The following MFHAS1 variants were observed in gnomAD, a reference collection of about 807,000 sequenced individuals.
MFHAS1 encodes the protein multifunctional ROCO family signaling regulator 1, also known as malignant fibrous histiocytoma-amplified sequence 1.
Under a neutral mutation model 70.4 loss-of-function variants are expected in MFHAS1, and 50 were observed. That is an observed-to-expected ratio of 0.71 (90% CI 0.57 to 0.90). The LOEUF (loss-of-function observed/expected upper bound fraction) is 0.90. Among genes scored for constraint, MFHAS1 ranks in the 40% least tolerant of loss-of-function variants. The pLI, the probability that MFHAS1 is intolerant of heterozygous loss-of-function variation, is 0.00. For missense variants in MFHAS1, 1,795 were observed against 1,347.6 expected (o/e 1.33, Z -5.20); for synonymous variants, 952 against 620.0 (o/e 1.54, Z -7.96).
intron 1 of MFHAS1, among the ~76,000 whole-genome samples, chr8:8,871,597 T>G (rs1358027497): frequency 1.3e-5 from 2 of 152,120 alleles, no homozygotes; most frequent in African/African-American, 4.8e-5. Context: ...TTCATTCATT[T>G]CCCCCTCACA....
intron 1 of MFHAS1, among the ~76,000 whole-genome samples, chr8:8,800,999 A>G (rs1806066088): frequency 6.6e-6 from 1 of 152,094 alleles, no homozygotes; most frequent in Non-Finnish European, 1.5e-5. Context: ...GCGGATCACA[A>G]GGTCCGGACA....
At chr8:8,788,244 A>C (rs1445874666) in intron 2 of MFHAS1, among the ~76,000 whole-genome samples, 1 of 152,266 alleles carries the variant, frequency 6.6e-6, no homozygotes, top group Non-Finnish European at 1.5e-5. Context: ...ATGTATCCTC[A>C]ACACCCGGCC....
At chr8:8,797,204 G>T (rs1805934846) in intron 2 of MFHAS1, among the ~76,000 whole-genome samples, 161 bp downstream of exon 2, 1 of 151,708 alleles carries the variant, frequency 6.6e-6, no homozygotes, top group South Asian at 2.1e-4. Flanking sequence ...CTGTTTTGCT[G>T]CATAAATCAT....
intron 1 of MFHAS1, among the ~76,000 whole-genome samples, chr8:8,824,565 A>T (rs913474496): frequency 1.4e-5 from 2 of 142,566 alleles, no homozygotes; most frequent in African/African-American, 5.6e-5. Flanking sequence ...ACACACACAC[A>T]CACCCCTTTC....
At chr8:8,861,838 G>T (rs928037791) in intron 1 of MFHAS1, among the ~76,000 whole-genome samples, 4 of 152,144 alleles carry the variant, frequency 2.6e-5, no homozygotes, top group Non-Finnish European at 4.4e-5. Flanking sequence ...TACTCGACTG[G>T]CTTCTTTCAC....
intron 1 of MFHAS1, among the ~76,000 whole-genome samples, chr8:8,889,030 C>CAAA (rs35143515): frequency 3.0e-5 from 3 of 99,052 alleles, no homozygotes; most frequent in Non-Finnish European, 4.0e-5. Flanking sequence ...AAAAAGTCTT[C>CAAA]AAAAAAAAAA....
intron 1 of MFHAS1, among the ~76,000 whole-genome samples, chr8:8,879,702 C>G (rs141575108): frequency 1.3e-5 from 2 of 152,076 alleles, no homozygotes; most frequent in Non-Finnish European, 1.5e-5. Context: ...GGTCAGATTC[C>G]GTATTTACAA....
chr8:8,824,687 T>C (rs1220750048), intron 1 of MFHAS1, among the ~76,000 whole-genome samples: 2 of 152,154 alleles, frequency 1.3e-5, no homozygotes, highest in Non-Finnish European at 2.9e-5. Flanking sequence ...AGATCATCTC[T>C]AAAAGATAAA....
At chr8:8,802,041 T>C (rs987612799) in intron 1 of MFHAS1, among the ~76,000 whole-genome samples, 2 of 152,200 alleles carry the variant, frequency 1.3e-5, no homozygotes, top group African/African-American at 4.8e-5. Flanking sequence ...AACTGCAAAA[T>C]AAGCCTAAGT....
Position 8,818,702 on chromosome 8 carries a change from T to C in MFHAS1, c.2999-21211A>G, listed in dbSNP as rs1385979988. Among the ~76,000 whole-genome samples the C allele has an allele frequency of 2.0e-5, 3 of 152,230 alleles. No homozygotes were observed. The East Asian group carries it at 5.8e-4, about 29-fold the overall frequency. On this transcript the variant is annotated intron_variant, in intron 1 of 2. Transcript: ENST00000276282. Reference sequence around the variant, plus strand: ...TTGACTTCCTTCCTCACATCCTTGTTACCCTGAAATATAAAAACCAAAGTT... The same window carrying C: ...TTGACTTCCTTCCTCACATCCTTGTCACCCTGAAATATAAAAACCAAAGTT...
chr8:8,861,401 A>C (rs916625300), intron 1 of MFHAS1, among the ~76,000 whole-genome samples: 6 of 152,198 alleles, frequency 3.9e-5, no homozygotes, highest in Non-Finnish European at 2.9e-5. Flanking sequence ...ATAATCAATC[A>C]CACAAACTAA....
chr8:8,786,811 C>T (rs1483069258), intron 2 of MFHAS1, among the ~76,000 whole-genome samples: 1 of 151,660 alleles, frequency 6.6e-6, no homozygotes, highest in African/African-American at 2.4e-5. Context: ...TTAGGAGAGA[C>T]GCTGATTTCA....
intron 2 of MFHAS1, among the ~76,000 whole-genome samples, chr8:8,797,097 G>T (rs1209070456): frequency 6.7e-6 from 1 of 149,606 alleles, no homozygotes; most frequent in Non-Finnish European, 1.5e-5. Context: ...TGTGGTATGT[G>T]AATGACATCT....
intron 1 of MFHAS1, among the ~76,000 whole-genome samples, chr8:8,846,606 A>G (rs1271476241): frequency 6.6e-6 from 1 of 151,586 alleles, no homozygotes; most frequent in African/African-American, 2.4e-5. Context: ...CACCTCTCTG[A>G]TCTCTTTTCT....
chr8:8,807,684 A>G (rs1019315565), intron 1 of MFHAS1, among the ~76,000 whole-genome samples: 1 of 152,242 alleles, frequency 6.6e-6, no homozygotes, highest in Non-Finnish European at 1.5e-5. Flanking sequence ...ACCATCCACA[A>G]GAAGTGGCCA....
intron 1 of MFHAS1, among the ~76,000 whole-genome samples, chr8:8,882,312 C>T (rs1017194335): frequency 1.3e-5 from 2 of 152,164 alleles, no homozygotes; most frequent in African/African-American, 4.8e-5. Context: ...ATCACTTGAA[C>T]CCAGGAGGTG....
intron 1 of MFHAS1, among the ~76,000 whole-genome samples, chr8:8,799,144 G>A (rs548223021): frequency 2.4e-4 from 37 of 152,130 alleles, no homozygotes; most frequent in Admixed American, 5.9e-4. Context: ...AGACCCCAGC[G>A]GATGCATGAA....
intron 1 of MFHAS1, among the ~76,000 whole-genome samples, chr8:8,846,974 T>C (rs1396002902): frequency 6.6e-6 from 1 of 152,212 alleles, no homozygotes; most frequent in East Asian, 1.9e-4. Context: ...ATCTACTATA[T>C]GCCAGACACA....
At chr8:8,876,126 T>C (rs1809284804) in intron 1 of MFHAS1, among the ~76,000 whole-genome samples, 1 of 152,124 alleles carries the variant, frequency 6.6e-6, no homozygotes, top group South Asian at 2.1e-4. Flanking sequence ...CACATATAAC[T>C]CAATCTTCAG....
Sources: allele counts gnomAD v4.1 joint callset (sites outside exome capture counted in the v4.1 genomes callset), GRCh38; gene constraint gnomAD v4.1.1; transcripts MANE v1.5; gene names NCBI Gene and HGNC (gene_info 2026-07-23, HGNC 2026-07-21).